RBFOX1: variants seen among roughly 807,000 people sequenced by gnomAD.
RBFOX1 encodes RNA binding fox-1 homolog 1, also known as RNA binding protein fox-1 homolog 1.
A neutral mutation model predicts 57.7 loss-of-function variants in RBFOX1; 8 were observed. That is an observed-to-expected ratio of 0.14 (90% confidence interval 0.08 to 0.25). The LOEUF is 0.25. Ranked by LOEUF, RBFOX1 falls within the 10% of genes least tolerant of loss-of-function variation. RBFOX1 has a pLI of 1.00. For missense variants in RBFOX1, 611 were observed against 548.5 expected (o/e 1.11, Z -1.14); for synonymous variants, 326 against 222.4 (o/e 1.47, Z -4.15).
chr16:5,680,434 G>A (rs2050297336), intron 3 of RBFOX1, among the ~76,000 whole-genome samples: 1 of 152,136 alleles, frequency 6.6e-6, no homozygotes, highest in African/African-American at 2.4e-5. Flanking sequence ...TCTGAGTAAG[G>A]GACTCCACTG....
intron 1 of RBFOX1, among the ~76,000 whole-genome samples, chr16:5,383,334 G>A (rs1473263088): frequency 6.6e-6 from 1 of 152,152 alleles, no homozygotes; most frequent in Non-Finnish European, 1.5e-5. Flanking sequence ...TTACAAAGAT[G>A]AGAGCCGCTC....
chr16:7,532,684 T>G (rs1001683161), intron 5 of RBFOX1, among the ~76,000 whole-genome samples: 1 of 152,248 alleles, frequency 6.6e-6, no homozygotes, highest in African/African-American at 2.4e-5. Flanking sequence ...CTGTAGCTCG[T>G]GGGCCGATTC....
At chr16:6,648,423 C>T (rs1306238004) in intron 2 of RBFOX1, among the ~76,000 whole-genome samples, 3 of 152,104 alleles carry the variant, frequency 2.0e-5, no homozygotes, top group East Asian at 3.9e-4. Flanking sequence ...TCCTCATACT[C>T]CCCTTATGTG....
intron 2 of RBFOX1, among the ~76,000 whole-genome samples, chr16:6,540,161 T>C (rs996289706): frequency 6.6e-6 from 1 of 152,126 alleles, no homozygotes; most frequent in Admixed American, 6.5e-5. Context: ...GCTTGGGGAA[T>C]CCTATTTGTG....
At chr16:6,862,753 G>A (rs1319346352) in intron 3 of RBFOX1, among the ~76,000 whole-genome samples, 2 of 152,180 alleles carry the variant, frequency 1.3e-5, no homozygotes, top group African/African-American at 4.8e-5. Context: ...GTAAGGCCGA[G>A]GCTGGTGGAT....
chr16:5,460,136 G>A (rs969480832), intron 1 of RBFOX1, among the ~76,000 whole-genome samples: 1 of 152,098 alleles, frequency 6.6e-6, no homozygotes, highest in Non-Finnish European at 1.5e-5. Context: ...TGTTTTTAGT[G>A]TAAAGTCGGC....
chr16:6,299,858 C>T (rs749403432), intron 1 of RBFOX1, among the ~76,000 whole-genome samples: 8 of 152,150 alleles, frequency 5.3e-5, no homozygotes, highest in Non-Finnish European at 1.5e-5. Context: ...AAACACCAAC[C>T]TCAGATGGCT....
intron 4 of RBFOX1, among the ~76,000 whole-genome samples, chr16:7,345,928 T>G (rs2096991914): frequency 1.3e-5 from 2 of 152,278 alleles, no homozygotes; most frequent in Admixed American, 6.5e-5. Context: ...GCTGCACCCA[T>G]TAACTCGTCA....
At position 6,918,817 on chromosome 16, in the gene RBFOX1, G is replaced by T. The variant is rs149220310; in HGVS notation, c.-15-133240G>T. ...AGGAGCATTGAGCAGAAGCGCACTC[G>T]TTAATAAACAAGTATTTTCAGTGCA... is the stretch of plus-strand genomic sequence containing the variant. On this transcript the variant is annotated intron_variant, in intron 3 of 15. Transcript: ENST00000550418. Among the ~76,000 whole-genome samples the T allele has an allele frequency of 3.4e-3, 520 of 152,164 alleles. 3 individuals are homozygous for T. Among genetic ancestry groups the T allele is most frequent in the Middle Eastern group, 0.01 (3 of 294 alleles).
chr16:5,492,654 A>T (rs1293983747), intron 2 of RBFOX1, among the ~76,000 whole-genome samples: 1 of 152,232 alleles, frequency 6.6e-6, no homozygotes, highest in Non-Finnish European at 1.5e-5. Flanking sequence ...TTTGGATGAA[A>T]TGACATCTAC....
rs141334815 is a variant in RBFOX1, at chr16:6,285,702, A to G, written c.-126-31293A>G. Among the ~76,000 whole-genome samples the G allele has an allele frequency of 1.3e-4, 20 of 152,154 alleles. No homozygotes were observed. In the East Asian group the frequency reaches 3.7e-3, roughly 28 times the overall value. On this transcript the variant is annotated intron_variant, in intron 1 of 15. Coordinates refer to ENST00000550418, the MANE Select transcript of RBFOX1 (RefSeq NM_018723.4). The stretch of plus-strand genomic sequence containing the variant: ...CCTATCCATCCTTGTATATCCTGCA[A>G]CCTCCATGGCTAAGGACAATAGGGT...
chr16:7,014,680 A>T (rs933216471), intron 3 of RBFOX1, among the ~76,000 whole-genome samples: 2 of 152,124 alleles, frequency 1.3e-5, no homozygotes, highest in Admixed American at 6.5e-5. Flanking sequence ...TGGGAATGGA[A>T]TCTTGAGTGA....
intron 3 of RBFOX1, among the ~76,000 whole-genome samples, chr16:7,049,079 A>G (rs981108970): frequency 1.3e-5 from 2 of 152,258 alleles, no homozygotes; most frequent in Admixed American, 6.5e-5. Context: ...TCAGTGCAGG[A>G]GTTTATAAAA....
chr16:6,237,138 G>C (rs979279558), intron 1 of RBFOX1, among the ~76,000 whole-genome samples: 8 of 152,184 alleles, frequency 5.3e-5, no homozygotes, highest in Non-Finnish European at 1.2e-4. Context: ...AAATCTTACT[G>C]GAAGTCCCTA....
intron 1 of RBFOX1, among the ~76,000 whole-genome samples, chr16:6,229,941 A>G (rs1309755294): frequency 6.6e-6 from 1 of 152,174 alleles, no homozygotes; most frequent in Non-Finnish European, 1.5e-5. Context: ...CTTATTTTAA[A>G]GGAAAAGAAA....
intron 1 of RBFOX1, among the ~76,000 whole-genome samples, chr16:5,359,577 C>A (rs908810887): frequency 2.6e-5 from 4 of 152,196 alleles, no homozygotes; most frequent in African/African-American, 9.6e-5. Context: ...TGTTGAGCAT[C>A]TTTTCATATG....
intron 5 of RBFOX1, among the ~76,000 whole-genome samples, chr16:7,551,343 G>A (rs1036678740): frequency 6.6e-6 from 1 of 152,052 alleles, no homozygotes; most frequent in Non-Finnish European, 1.5e-5. Context: ...ATCCACAGAG[G>A]GGAAGCAGAT....
At chr16:6,859,717 G>A (rs1246734051) in intron 3 of RBFOX1, among the ~76,000 whole-genome samples, 3 of 152,130 alleles carry the variant, frequency 2.0e-5, no homozygotes, top group African/African-American at 7.2e-5. Context: ...AGCAAAATGA[G>A]AAATGTCTTT....
At chr16:6,120,744 C>G (rs994735138) in intron 1 of RBFOX1, among the ~76,000 whole-genome samples, 1 of 152,114 alleles carries the variant, frequency 6.6e-6, no homozygotes, top group African/African-American at 2.4e-5. Context: ...GTCTGAGTAA[C>G]CTTTTAGCAA....
Sources: allele counts gnomAD v4.1 joint callset (sites outside exome capture counted in the v4.1 genomes callset), GRCh38; gene constraint gnomAD v4.1.1; transcripts MANE v1.5; gene names NCBI Gene and HGNC (gene_info 2026-07-23, HGNC 2026-07-21).